Variants in CUEDC1 observed in about 807,000 individuals in gnomAD.
CUEDC1 encodes CUE domain-containing protein 1.
Under a neutral mutation model 43.7 loss-of-function variants are expected in CUEDC1, and 30 were observed. The observed-to-expected ratio is 0.69, with a 90% CI of 0.51 to 0.93. The LOEUF (loss-of-function observed/expected upper bound fraction) is 0.93, where lower values mean the gene tolerates loss of function less well. Ranked by LOEUF, CUEDC1 falls within the 40% of genes least tolerant of loss-of-function variation. The pLI, the probability that CUEDC1 is intolerant of heterozygous loss-of-function variation, is 0.00. For missense variants in CUEDC1, 486 were observed against 549.0 expected (o/e 0.89, Z 1.15); for synonymous variants, 223 against 223.6 (o/e 1.00, Z 0.02).
chr17:57,895,759 G>A (rs907281631), intron 1 of CUEDC1, among the ~76,000 whole-genome samples: 1 of 152,156 alleles, frequency 6.6e-6, no homozygotes, highest in African/African-American at 2.4e-5. Flanking sequence ...GCAGGAACAC[G>A]CGCGTTCATG....
At chr17:57,890,106 C>G (rs1008509329) in intron 1 of CUEDC1, among the ~76,000 whole-genome samples, 5 of 152,198 alleles carry the variant, frequency 3.3e-5, no homozygotes, top group African/African-American at 1.2e-4. Context: ...GCTGTGGGAA[C>G]CATTTCAGAG....
intron 2 of CUEDC1, among the ~76,000 whole-genome samples, chr17:57,881,531 T>C (rs1394038743): frequency 6.6e-6 from 1 of 152,200 alleles, no homozygotes; most frequent in Non-Finnish European, 1.5e-5. Flanking sequence ...CCAGGCACCC[T>C]GTTTCCCAGA....
intron 6 of CUEDC1, among the ~76,000 whole-genome samples, chr17:57,870,162 C>T (rs947839503): frequency 5.3e-5 from 8 of 152,228 alleles, no homozygotes; most frequent in South Asian, 4.1e-4. Context: ...AGCCCTTCTC[C>T]GAGGTGGGCA....
chr17:57,873,764 C>G, intron 3 of CUEDC1, 47 bp from the exon 4 acceptor site: 1 of 1,496,144 alleles, frequency 6.7e-7, no homozygotes. Flanking sequence ...TAAGCCCAAC[C>G]CCAGGTCTCC....
At chr17:57,909,150 T>G (rs2074558936) in intron 1 of CUEDC1, among the ~76,000 whole-genome samples, 1 of 152,026 alleles carries the variant, frequency 6.6e-6, no homozygotes, top group Admixed American at 6.6e-5. Context: ...ATTTGTTAAT[T>G]TTTTTTGAGA....
At chr17:57,877,157 C>A (rs1867358136) in intron 3 of CUEDC1, among the ~76,000 whole-genome samples, 1 of 152,188 alleles carries the variant, frequency 6.6e-6, no homozygotes, top group South Asian at 2.1e-4. Flanking sequence ...TCCAGAACCT[C>A]AAGCAAGAGC....
At chr17:57,883,076 T>C (rs2074237388) in intron 2 of CUEDC1, among the ~76,000 whole-genome samples, 1 of 152,164 alleles carries the variant, frequency 6.6e-6, no homozygotes, top group South Asian at 2.1e-4. Context: ...TCTCTCCTTC[T>C]TTCTACAAAG....
At position 57,861,610 on chromosome 17, in the gene CUEDC1, CAACT is replaced by C. The variant is rs2073872421; in HGVS notation, c.*1675_*1678del. 1 of 152,372 alleles carries C rather than the reference CAACT, an allele frequency of 6.6e-6. No homozygotes were observed. Among genetic ancestry groups the C allele is most frequent in the Non-Finnish European group, 1.5e-5 (1 of 68,174 alleles). 9.4% of individuals were successfully genotyped at this position (152,372 alleles called of 1,614,324 possible). Reference sequence around the variant, plus strand: ...CCACATCAGAGCACCAAGAGAACACCAACTGTTTATTACAGGAATTCCTATGAAA... The same window carrying C: ...CCACATCAGAGCACCAAGAGAACACCGTTTATTACAGGAATTCCTATGAAA... On this transcript the variant is annotated 3_prime_UTR_variant, in exon 11 of 11. Transcript: ENST00000577830.
At chr17:57,942,378 GT>G (rs2074924609) in intron 1 of CUEDC1, among the ~76,000 whole-genome samples, 1 of 151,618 alleles carries the variant, frequency 6.6e-6, no homozygotes, top group South Asian at 2.1e-4. Context: ...GTTTTTTTTC[GT>G]TTGTTTGTTT....
intron 1 of CUEDC1, among the ~76,000 whole-genome samples, chr17:57,913,695 C>A (rs552161014): frequency 6.6e-6 from 1 of 152,188 alleles, no homozygotes; most frequent in East Asian, 1.9e-4. Context: ...GGATTTCTAG[C>A]GAGGAAATAT....
intron 1 of CUEDC1, among the ~76,000 whole-genome samples, chr17:57,907,124 G>C (rs781248628): frequency 6.6e-6 from 1 of 152,150 alleles, no homozygotes; most frequent in Non-Finnish European, 1.5e-5. Context: ...AGTGGGCTGG[G>C]AGACAATGAC....
chr17:57,938,295 T>G (rs539029764), intron 1 of CUEDC1, among the ~76,000 whole-genome samples: 4 of 152,240 alleles, frequency 2.6e-5, no homozygotes, highest in African/African-American at 7.2e-5. Context: ...CTCTGGTTTA[T>G]GATGTCATGG....
At chr17:57,941,504 C>T (rs1264459039) in intron 1 of CUEDC1, among the ~76,000 whole-genome samples, 2 of 152,216 alleles carry the variant, frequency 1.3e-5, no homozygotes, top group African/African-American at 4.8e-5. Context: ...GGAAGAGCAC[C>T]TTCTTCTAAT....
At chr17:57,898,236 G>A (rs567847283) in intron 1 of CUEDC1, among the ~76,000 whole-genome samples, 10 of 152,278 alleles carry the variant, frequency 6.6e-5, no homozygotes, top group South Asian at 4.1e-4. Context: ...AATGAGGGCC[G>A]AGTGGACAAA....
intron 1 of CUEDC1, among the ~76,000 whole-genome samples, chr17:57,921,838 C>T (rs1004573868): frequency 7.2e-5 from 11 of 152,138 alleles, no homozygotes; most frequent in African/African-American, 2.2e-4. Flanking sequence ...TTTGGTCAGG[C>T]GCAGTGGCTC....
intron 1 of CUEDC1, among the ~76,000 whole-genome samples, chr17:57,929,091 G>A (rs1222145217): frequency 6.6e-6 from 1 of 152,082 alleles, no homozygotes; most frequent in Non-Finnish European, 1.5e-5. Context: ...CCTTAACTGA[G>A]GCCATTGTCC....
At chr17:57,871,145 C>G (rs2074028920) in intron 6 of CUEDC1, 141 bp downstream of exon 6, 1 of 691,484 alleles carries the variant, frequency 1.4e-6, no homozygotes, top group Non-Finnish European at 2.6e-6. Flanking sequence ...GAAGCAGCCC[C>G]GCCAGCCTGC....
intron 1 of CUEDC1, among the ~76,000 whole-genome samples, chr17:57,913,903 C>T (rs759382695): frequency 1.3e-5 from 2 of 152,188 alleles, no homozygotes; most frequent in Non-Finnish European, 2.9e-5. Flanking sequence ...TTCAAGGATT[C>T]AGGTTGTAGA....
At chr17:57,929,768 T>C (rs1412233028) in intron 1 of CUEDC1, among the ~76,000 whole-genome samples, 1 of 152,140 alleles carries the variant, frequency 6.6e-6, no homozygotes, top group Non-Finnish European at 1.5e-5. Context: ...GCATCCAAAG[T>C]CTTCTAGCAC....
Sources: allele counts gnomAD v4.1 joint callset (sites outside exome capture counted in the v4.1 genomes callset), GRCh38; gene constraint gnomAD v4.1.1; transcripts MANE v1.5; gene names NCBI Gene and HGNC (gene_info 2026-07-23, HGNC 2026-07-21).